PNISR: variants seen among roughly 807,000 people sequenced by gnomAD.
The protein encoded by PNISR is PNN interacting serine and arginine rich protein, also known as arginine/serine-rich protein PNISR.
Under a neutral mutation model 93.4 loss-of-function variants are expected in PNISR, and 20 were observed. That is an observed-to-expected ratio of 0.21 (90% CI 0.15 to 0.31). The LOEUF (loss-of-function observed/expected upper bound fraction) is 0.31, where lower values mean the gene tolerates loss of function less well. PNISR is among the 10% of genes least tolerant of loss of function. The pLI, the probability that PNISR is intolerant of heterozygous loss-of-function variation, is 1.00. For synonymous variants in PNISR, 305 were observed against 306.5 expected, an observed-to-expected ratio of 0.99 and a Z score of 0.05; for missense variants, 893 against 985.4, an observed-to-expected ratio of 0.91 and a Z score of 1.25.
At position 99,413,904 on chromosome 6, in the gene PNISR, A is replaced by G. The variant is rs181706919; in HGVS notation, c.88+668T>C. 7.9e-4 allele frequency among the ~76,000 whole-genome samples: 120 copies of G among 152,368 alleles called. 1 individual carries two copies. In the East Asian group the frequency reaches 0.021, roughly 27 times the overall value. Reference sequence around the variant, plus strand: ...AATAAGAAAATAATTGGACAAGTGAATAACAATATGTACACAAGATTATGC... The same window carrying G: ...AATAAGAAAATAATTGGACAAGTGAGTAACAATATGTACACAAGATTATGC... On this transcript the variant is annotated intron_variant, in intron 3 of 11. Coordinates refer to ENST00000369239, the MANE Select transcript of PNISR (RefSeq NM_032870.4).
intron 10 of PNISR, chr6:99,403,253 A>G (rs1775743891): frequency 6.6e-6 from 1 of 152,204 alleles, no homozygotes; most frequent in East Asian, 1.9e-4. Context: ...TCCTCACAAA[A>G]ATTAATTTGA....
chr6:99,423,424 C>T (rs981427498), intron 1 of PNISR, among the ~76,000 whole-genome samples: 1 of 152,070 alleles, frequency 6.6e-6, no homozygotes, highest in Non-Finnish European at 1.5e-5. Context: ...ATTCAGTAAG[C>T]GTGGGCTCTG....
At chr6:99,410,513 CAA>C (rs1240643067) in intron 5 of PNISR, 5 of 495,372 alleles carry the variant, frequency 1.0e-5, no homozygotes, top group African/African-American at 5.8e-5. Context: ...TTAATTTTTT[CAA>C]AAGTTTTCCG....
At chr6:99,414,782 T>C (rs1777448142) in intron 2 of PNISR, 92 bp from the exon 3 acceptor site, 4 of 569,828 alleles carry the variant, frequency 7.0e-6, no homozygotes, top group African/African-American at 1.9e-5. Context: ...ATACATTTAT[T>C]TCATCAGAGG....
At chr6:99,406,227 TTACA>T in intron 7 of PNISR, 59 bp from the exon 8 acceptor site, 1 of 1,117,572 alleles carries the variant, frequency 8.9e-7, no homozygotes, top group Non-Finnish European at 1.3e-6. Context: ...AATCCTTATC[TTACA>T]TACAGAAAAT....
At chr6:99,404,909 G>A (rs1775966078) in intron 8 of PNISR, among the ~76,000 whole-genome samples, 1 of 151,910 alleles carries the variant, frequency 6.6e-6, no homozygotes, top group East Asian at 1.9e-4. Context: ...CTCCCAAGTG[G>A]CTGGAACTAC....
chr6:99,411,759 C>A (rs1028074901), intron 4 of PNISR: 1 of 155,438 alleles, frequency 6.4e-6, no homozygotes, highest in African/African-American at 2.4e-5. Context: ...GGACTACAGG[C>A]ATGCGCCTCT....
chr6:99,400,911 CTT>C lies in PNISR; in HGVS notation c.2045_2046del (p.Lys682ArgfsTer5), dbSNP rs1218285360. The C allele has an allele frequency of 1.3e-6, 2 of 1,570,258 alleles. No individual in the cohort carries two copies. Among genetic ancestry groups the C allele is most frequent in the Non-Finnish European group, 1.7e-6 (2 of 1,143,712 alleles). On this transcript the variant is annotated frameshift_variant, in exon 12 of 12. Transcript: ENST00000369239. LOFTEE classifies it high-confidence loss of function. ...CTTTTATCCTGTTCACGTTCCCTTTCTTTGTCTTTCTTTTTCCTATCTTTATC... is the reference window on the plus strand; with the variant it reads ...CTTTTATCCTGTTCACGTTCCCTTTCTGTCTTTCTTTTTCCTATCTTTATC... ...SIDKDRKKKD[K>X]EREREQDKRK...
At chr6:99,402,953 G>C (rs4413622) in intron 10 of PNISR, 314,963 of 322,068 alleles carry the variant, frequency 0.98, 154,386 homozygotes, top group East Asian at 1. Context: ...GTAAAGGAAT[G>C]ATAATGGGTT....
intron 1 of PNISR, among the ~76,000 whole-genome samples, chr6:99,418,597 A>G (rs1750221122): frequency 6.6e-6 from 1 of 152,146 alleles, no homozygotes; most frequent in African/African-American, 2.4e-5. Context: ...TCTTCCCCAA[A>G]GTTTTGATGG....
chr6:99,403,764 G>C, intron 10 of PNISR, 65 bp downstream of exon 10: 1 of 1,161,520 alleles, frequency 8.6e-7, no homozygotes, highest in Non-Finnish European at 1.3e-6. Context: ...AATAGAACAC[G>C]CAGAGAGACA....
Position 99,401,286 on chromosome 6 carries a change from G to A in PNISR, c.1672C>T (p.His558Tyr), listed in dbSNP as rs779688582. 3.7e-6 allele frequency: 6 copies of A among 1,613,880 alleles called. No individual in the cohort carries two copies. In the South Asian group the frequency reaches 4.4e-5, roughly 12 times the overall value. The change falls in exon 12 of 12, where the codon CAC (histidine) becomes TAC (tyrosine). Residue 558 changes from histidine (H) to tyrosine (Y), a missense_variant. By Grantham distance (83) the His-to-Tyr change is moderately conservative (BLOSUM62 2). Around this residue, in one of 3 missense-constraint regions of PNISR, gnomAD observed 866 missense variants for 935.1 expected, o/e 0.93. Transcript: ENST00000369239. Reference sequence around the variant, plus strand: ...ATTGTTGGAGATCTACTCCTACTGTGTCTCTTTTTCCTTTTAGGAGAAGAA... The same window carrying A: ...ATTGTTGGAGATCTACTCCTACTGTATCTCTTTTTCCTTTTAGGAGAAGAA... ...RSSSPKRKKRHSRSRSPTIKA... is the reference protein window; with the variant it reads ...RSSSPKRKKRYSRSRSPTIKA...
chr6:99,407,045 CAG>C (rs1447332075), intron 7 of PNISR, among the ~76,000 whole-genome samples: 1 of 151,888 alleles, frequency 6.6e-6, no homozygotes, highest in Non-Finnish European at 1.5e-5. Flanking sequence ...AAAGACTGGA[CAG>C]AGTGGCTAAT....
chr6:99,417,760 A>G (rs1166926941), intron 1 of PNISR, among the ~76,000 whole-genome samples: 1 of 152,026 alleles, frequency 6.6e-6, no homozygotes, highest in Admixed American at 6.6e-5. Flanking sequence ...GAGGTCAGGC[A>G]TTCAGGACCA....
chr6:99,412,945 C>A (rs935145836), intron 3 of PNISR, among the ~76,000 whole-genome samples: 2 of 151,780 alleles, frequency 1.3e-5, no homozygotes, highest in East Asian at 3.8e-4. Context: ...GCAAATAACC[C>A]ATATTCAGGC....
At chr6:99,421,905 G>A (rs1562265966) in intron 1 of PNISR, among the ~76,000 whole-genome samples, 3 of 151,978 alleles carry the variant, frequency 2.0e-5, no homozygotes, top group East Asian at 1.9e-4. Context: ...TCACTCTGTC[G>A]CCCAGGCTGG....
intron 1 of PNISR, among the ~76,000 whole-genome samples, chr6:99,417,594 T>C (rs1777866184): frequency 6.6e-6 from 1 of 152,176 alleles, no homozygotes. Flanking sequence ...TTCGTGGTGA[T>C]TAATATCAAT....
chr6:99,404,408 T>C (rs997563817), intron 9 of PNISR, 195 bp downstream of exon 9: 2 of 601,114 alleles, frequency 3.3e-6, no homozygotes, highest in East Asian at 3.2e-5. Flanking sequence ...TTTGTACTCA[T>C]GTAGGTCAGA....
intron 5 of PNISR, chr6:99,410,209 T>TC (rs1776730778): frequency 6.5e-6 from 1 of 153,560 alleles, no homozygotes; most frequent in East Asian, 1.9e-4. Context: ...ACAACACTAT[T>TC]CCCCACAGAG....
Sources: allele counts gnomAD v4.1 joint callset (sites outside exome capture counted in the v4.1 genomes callset), GRCh38; gene constraint gnomAD v4.1.1; regional missense constraint gnomAD v4.1.1; transcripts MANE v1.5; gene names NCBI Gene and HGNC (gene_info 2026-07-23, HGNC 2026-07-21).